Variants in STX18 observed in about 807,000 individuals in gnomAD.
STX18 encodes syntaxin-18.
A neutral mutation model predicts 50.1 loss-of-function variants in STX18; 40 were observed. The observed-to-expected ratio is 0.80, with a 90% CI of 0.62 to 1.04. The LOEUF (loss-of-function observed/expected upper bound fraction) is 1.04. Among genes scored for constraint, STX18 ranks in the 50% least tolerant of loss-of-function variants. The probability of loss-of-function intolerance (pLI) is 0.00; values close to 1 mark genes in which losing one functional copy is unlikely to be tolerated. For missense variants in STX18, 410 were observed against 415.8 expected (o/e 0.99, Z 0.12); for synonymous variants, 158 against 151.8 (o/e 1.04, Z -0.30).
At chr4:4,510,852 A>C (rs1729969674) in intron 1 of STX18, among the ~76,000 whole-genome samples, 1 of 152,250 alleles carries the variant, frequency 6.6e-6, no homozygotes, top group Admixed American at 6.5e-5. Context: ...CGTCCTTTGC[A>C]GGGACATGGA....
At chr4:4,460,248 GC>G (rs1244949096) in intron 2 of STX18, among the ~76,000 whole-genome samples, 1 of 152,178 alleles carries the variant, frequency 6.6e-6, no homozygotes, top group African/African-American at 2.4e-5. Flanking sequence ...GCAATGCCTA[GC>G]ATTTTTAATA....
At chr4:4,456,710 GT>G in intron 5 of STX18, among the ~76,000 whole-genome samples, 1 of 152,336 alleles carries the variant, frequency 6.6e-6, no homozygotes, top group Middle Eastern at 3.4e-3. Flanking sequence ...CAGCCTTGTG[GT>G]GGCCTGCTTG....
At chr4:4,449,138 C>T (rs897433473) in intron 5 of STX18, among the ~76,000 whole-genome samples, 1 of 150,492 alleles carries the variant, frequency 6.6e-6, no homozygotes, top group South Asian at 2.1e-4. Flanking sequence ...CCTTGAACTC[C>T]TGGGCTTAAG....
chr4:4,437,563 A>G (rs2108788000), intron 6 of STX18: 5 of 970,792 alleles, frequency 5.2e-6, no homozygotes, highest in Non-Finnish European at 6.1e-6. Context: ...AGCATTTCAG[A>G]TAAGAGATAC....
intron 1 of STX18, among the ~76,000 whole-genome samples, chr4:4,504,892 GC>G (rs1729627460): frequency 6.8e-6 from 1 of 146,394 alleles, no homozygotes; most frequent in Non-Finnish European, 1.5e-5. Context: ...AAAATAAGTA[GC>G]TGTTTAAAAA....
At chr4:4,502,863 G>A (rs767710534) in intron 1 of STX18, among the ~76,000 whole-genome samples, 5 of 152,104 alleles carry the variant, frequency 3.3e-5, no homozygotes, top group African/African-American at 7.2e-5. Context: ...CCACATGCCC[G>A]ATGCAATCTC....
chr4:4,459,488 C>T lies in STX18; in HGVS notation c.237-1G>A. On this transcript the variant is annotated splice_acceptor_variant, in intron 2 of 10. Transcript: ENST00000306200. LOFTEE classifies it high-confidence loss of function. The stretch of plus-strand genomic sequence containing the variant: ...CCTCCCATATTCAGACATGGTATGG[C>T]TAAAAAAAGACAGCAAAGGAAAGGG... 1 of 1,607,246 alleles carries T rather than the reference C, an allele frequency of 6.2e-7. No homozygotes were observed. Among genetic ancestry groups the T allele is most frequent in the Non-Finnish European group, 8.5e-7 (1 of 1,174,118 alleles).
chr4:4,439,720 C>G (rs1726008321), intron 5 of STX18, among the ~76,000 whole-genome samples: 1 of 151,876 alleles, frequency 6.6e-6, no homozygotes, highest in Non-Finnish European at 1.5e-5. Context: ...CCTTAAATAC[C>G]CACTTGAAGG....
At chr4:4,460,747 A>G (rs1316422441) in intron 2 of STX18, among the ~76,000 whole-genome samples, 1 of 152,106 alleles carries the variant, frequency 6.6e-6, no homozygotes, top group Non-Finnish European at 1.5e-5. Flanking sequence ...ATCTTGTTCT[A>G]TTAGTTACTT....
rs1724833215 is a variant in STX18, at chr4:4,419,840, C to T, written c.*194G>A. ...TGGTGTGCACTGTTTCCTTTTTCAGCTGCTAAATGGCTGAACACCATCGGC... is the reference window on the plus strand; with the variant it reads ...TGGTGTGCACTGTTTCCTTTTTCAGTTGCTAAATGGCTGAACACCATCGGC... On this transcript the variant is annotated 3_prime_UTR_variant, in exon 11 of 11. Coordinates refer to ENST00000306200, the MANE Select transcript of STX18 (RefSeq NM_016930.4). 2 of 532,532 alleles carry T rather than the reference C, an allele frequency of 3.8e-6. No individual in the cohort carries two copies. Among genetic ancestry groups the T allele is most frequent in the African/African-American group, 3.1e-5 (1 of 31,904 alleles). 33.0% of individuals were successfully genotyped at this position (532,532 alleles called of 1,614,324 possible). A position where few individuals can be genotyped will look rare whatever the true frequency, so the allele number is the denominator to read the frequency against.
Position 4,532,414 on chromosome 4 carries a change from T to A in STX18, c.168+9383A>T, listed in dbSNP as rs1445368866. 5.3e-5 allele frequency among the ~76,000 whole-genome samples: 8 copies of A among 152,150 alleles called. No homozygotes were observed. The South Asian group carries it at 1.2e-3, about 24-fold the overall frequency. ...TCACCACTTTTAAATCAAATACATT[T>A]GTGAAAACACACCAAAAATGCTAAC... On this transcript the variant is annotated intron_variant, in intron 1 of 10. Transcript: ENST00000306200.
In STX18 at chr4:4,542,023, G is replaced by A. The variant is rs953212854; in HGVS notation, c.-59C>T. 6 of 1,482,270 alleles carry A rather than the reference G, an allele frequency of 4.0e-6. No individual in the cohort carries two copies. The African/African-American group carries it at 8.7e-5, about 21-fold the overall frequency. 91.8% of individuals were successfully genotyped at this position (1,482,270 alleles called of 1,614,324 possible). ...GCCCACGTAAGCAGCCGGCGACCGC[G>A]GCGCGAACCCGGCCGCTGAAGGACT... is the stretch of plus-strand genomic sequence containing the variant. On this transcript the variant is annotated 5_prime_UTR_variant, in exon 1 of 11. Coordinates refer to ENST00000306200, the MANE Select transcript of STX18 (RefSeq NM_016930.4).
chr4:4,448,873 C>T (rs1726582137), intron 5 of STX18, among the ~76,000 whole-genome samples: 2 of 152,112 alleles, frequency 1.3e-5, no homozygotes, highest in Non-Finnish European at 2.9e-5. Flanking sequence ...CCACAGGGTT[C>T]ATTCTGGCTT....
At chr4:4,495,623 A>G (rs748335064) in intron 1 of STX18, among the ~76,000 whole-genome samples, 2 of 147,524 alleles carry the variant, frequency 1.4e-5, no homozygotes, top group Non-Finnish European at 3.0e-5. Context: ...CTGGTCTCAA[A>G]CTCCTGGCCT....
intron 1 of STX18, chr4:4,506,934 G>C (rs1729736586): frequency 3.6e-6 from 1 of 276,794 alleles, no homozygotes; most frequent in Non-Finnish European, 7.1e-6. Flanking sequence ...GATAACATGG[G>C]GGATGGGACT....
At chr4:4,441,602 G>T (rs1208438769) in intron 5 of STX18, among the ~76,000 whole-genome samples, 1 of 152,048 alleles carries the variant, frequency 6.6e-6, no homozygotes, top group African/African-American at 2.4e-5. Context: ...AACCAAAAAA[G>T]ATTCCTGAAA....
chr4:4,508,723 C>T (rs907813722), intron 1 of STX18, among the ~76,000 whole-genome samples: 2 of 152,140 alleles, frequency 1.3e-5, no homozygotes, highest in South Asian at 2.1e-4. Context: ...GTCCCCACTT[C>T]GACAGTCCCC....
intron 7 of STX18, among the ~76,000 whole-genome samples, chr4:4,432,262 A>G (rs1331800776): frequency 6.6e-6 from 1 of 152,182 alleles, no homozygotes; most frequent in African/African-American, 2.4e-5. Flanking sequence ...AGGGGAAACC[A>G]CTCATCTGGG....
At chr4:4,452,655 A>C (rs1726820059) in intron 5 of STX18, among the ~76,000 whole-genome samples, 1 of 152,218 alleles carries the variant, frequency 6.6e-6, no homozygotes, top group South Asian at 2.1e-4. Flanking sequence ...CATGACTGCC[A>C]CTGCACTCCA....
Sources: allele counts gnomAD v4.1 joint callset (sites outside exome capture counted in the v4.1 genomes callset), GRCh38; gene constraint gnomAD v4.1.1; transcripts MANE v1.5; gene names NCBI Gene and HGNC (gene_info 2026-07-23, HGNC 2026-07-21).